FMN2: variants seen among roughly 807,000 people sequenced by gnomAD.
FMN2 encodes the protein formin-2.
Under a neutral mutation model 142.3 loss-of-function variants are expected in FMN2, and 51 were observed. That is an observed-to-expected ratio of 0.36 (90% CI 0.29 to 0.45). FMN2 has a LOEUF of 0.45. Ranked by LOEUF, FMN2 falls within the 20% of genes least tolerant of loss-of-function variation. The probability of loss-of-function intolerance (pLI) is 1.00; values close to 1 mark genes in which losing one functional copy is unlikely to be tolerated. For synonymous variants in FMN2, 882 were observed against 869.8 expected (o/e 1.01, Z -0.25); for missense variants, 1,936 against 2,122.8 (o/e 0.91, Z 1.73).
At chr1:240,211,793 A>G (rs1258976338) in intron 6 of FMN2, among the ~76,000 whole-genome samples, 2 of 152,224 alleles carry the variant, frequency 1.3e-5, no homozygotes, top group Non-Finnish European at 2.9e-5. Flanking sequence ...TTTTTGAGTC[A>G]TAAAAAGAAA....
intron 4 of FMN2, among the ~76,000 whole-genome samples, chr1:240,195,726 C>T (rs1174427743): frequency 6.6e-6 from 1 of 152,134 alleles, no homozygotes; most frequent in Non-Finnish European, 1.5e-5. Flanking sequence ...TTTTTAAATT[C>T]TCACAATAAG....
intron 16 of FMN2, among the ~76,000 whole-genome samples, chr1:240,440,332 A>C (rs747701166): frequency 2.0e-5 from 3 of 152,184 alleles, no homozygotes; most frequent in African/African-American, 7.2e-5. Flanking sequence ...GCCCCATGAC[A>C]GCCTCCTCAG....
chr1:240,173,232 G>A lies in FMN2; in HGVS notation c.1783-4689G>A, dbSNP rs190680408. ...ATTACAGGTGTGAGCCACCACGCCC[G>A]GCCTCAAGTGGCTTTTATGTAGTCA... On this transcript the variant is annotated intron_variant, in intron 2 of 17. Transcript: ENST00000319653. Among the ~76,000 whole-genome samples the A allele has an allele frequency of 3.8e-4, 58 of 152,264 alleles. 1 individual carries two copies. The East Asian group carries it at 0.011, about 28-fold the overall frequency.
chr1:240,283,007 G>C (rs1268716291), intron 7 of FMN2, among the ~76,000 whole-genome samples: 1 of 152,064 alleles, frequency 6.6e-6, no homozygotes, highest in Non-Finnish European at 1.5e-5. Flanking sequence ...AAACAATGCT[G>C]GGTGTGACTC....
chr1:240,415,105 T>C (rs1044447533), intron 15 of FMN2, among the ~76,000 whole-genome samples: 1 of 152,104 alleles, frequency 6.6e-6, no homozygotes, highest in Non-Finnish European at 1.5e-5. Context: ...TTTTTAAAAA[T>C]ATGTTGAATA....
intron 14 of FMN2, among the ~76,000 whole-genome samples, chr1:240,359,922 C>A (rs769415613): frequency 1.2e-4 from 19 of 152,170 alleles, no homozygotes; most frequent in Non-Finnish European, 2.8e-4. Flanking sequence ...TACCCCTGTA[C>A]CTAGAACAAT....
chr1:240,151,253 A>G lies in FMN2; in HGVS notation c.1783-26668A>G, dbSNP rs368192172. The stretch of plus-strand genomic sequence containing the variant: ...GCCATAATGGCTATATAGTCTACTA[A>G]TGGGTGAGTCAGTGCCCATTCTAAG... On this transcript the variant is annotated intron_variant, in intron 2 of 17. Transcript: ENST00000319653. Among the ~76,000 whole-genome samples, 178 of 152,324 alleles carry G rather than the reference A, an allele frequency of 1.2e-3. 4 individuals carry two copies. In the South Asian group the frequency reaches 0.028, roughly 24 times the overall value.
chr1:240,307,038 TATC>T (rs1259382974), intron 8 of FMN2, among the ~76,000 whole-genome samples: 8 of 152,224 alleles, frequency 5.3e-5, no homozygotes, highest in Non-Finnish European at 1.0e-4. Flanking sequence ...AGCTGCTTGT[TATC>T]ATCTTTTGAG....
intron 1 of FMN2, among the ~76,000 whole-genome samples, chr1:240,109,339 G>C (rs1164779628): frequency 6.6e-6 from 1 of 152,178 alleles, no homozygotes; most frequent in African/African-American, 2.4e-5. Context: ...GATTGTCACT[G>C]AGTCACTTGA....
intron 1 of FMN2, 78 bp from the exon 2 acceptor site, chr1:240,123,101 C>A: frequency 6.5e-7 from 1 of 1,529,146 alleles, no homozygotes; most frequent in Non-Finnish European, 8.9e-7. Flanking sequence ...GCAGTGTTTA[C>A]CCAGCCGCTG....
In FMN2 at chr1:240,224,686, G is replaced by A. The variant is rs191965200; in HGVS notation, c.4065+13451G>A. On this transcript the variant is annotated intron_variant, in intron 6 of 17. Transcript: ENST00000319653. Reference sequence around the variant, plus strand: ...AAACACCAGGGGTTCAGTCTAGTTCGTGCTGCTCGCCGCACAGAAAGCCAA... The same window carrying A: ...AAACACCAGGGGTTCAGTCTAGTTCATGCTGCTCGCCGCACAGAAAGCCAA... Among the ~76,000 whole-genome samples the A allele has an allele frequency of 2.7e-3, 415 of 152,196 alleles. 3 individuals carry two copies. The South Asian group carries it at 0.027, about 10-fold the overall frequency.
intron 7 of FMN2, among the ~76,000 whole-genome samples, chr1:240,290,949 G>C (rs527458713): frequency 1.3e-5 from 2 of 151,970 alleles, no homozygotes; most frequent in East Asian, 3.9e-4. Flanking sequence ...GAGTAGCTGG[G>C]ATTACAGGCA....
chr1:240,456,606 G>A (rs774812878), intron 16 of FMN2, among the ~76,000 whole-genome samples: 6 of 152,112 alleles, frequency 3.9e-5, no homozygotes, highest in East Asian at 3.9e-4. Flanking sequence ...ACAGGCATGC[G>A]CCACCATGCC....
intron 8 of FMN2, among the ~76,000 whole-genome samples, chr1:240,309,362 G>A (rs1272700865): frequency 1.3e-5 from 2 of 152,136 alleles, no homozygotes; most frequent in Admixed American, 6.5e-5. Context: ...TAGTGGGCAG[G>A]CATGCAGGAG....
At chr1:240,463,218 CG>C (rs1213185195) in intron 16 of FMN2, among the ~76,000 whole-genome samples, 6 of 152,096 alleles carry the variant, frequency 3.9e-5, no homozygotes, top group Non-Finnish European at 8.8e-5. Flanking sequence ...GTTCAGGGGA[CG>C]TGAGAAGGCT....
At chr1:240,325,035 G>T (rs1205872659) in intron 8 of FMN2, among the ~76,000 whole-genome samples, 1 of 152,016 alleles carries the variant, frequency 6.6e-6, no homozygotes, top group Admixed American at 6.5e-5. Context: ...GTCAATCATC[G>T]CTGTGGTTGT....
chr1:240,092,667 C>G lies in FMN2; in HGVS notation c.558C>G (p.Phe186Leu), dbSNP rs1176572017. 7 of 1,614,110 alleles carry G rather than the reference C, an allele frequency of 4.3e-6. No homozygotes were observed. The highest frequency in any genetic ancestry group is 1.7e-5 in the Admixed American group (1 of 60,028). ...GCTCGGACACGGACATCTATAGCTTCCATTCGGCTACGGAGCAAGAGGATT... is the reference window on the plus strand; with the variant it reads ...GCTCGGACACGGACATCTATAGCTTGCATTCGGCTACGGAGCAAGAGGATT... Reference protein sequence around the residue: ...SSGSDTDIYSFHSATEQEDLL... With the variant: ...SSGSDTDIYSLHSATEQEDLL... The change falls in exon 1 of 18, where the codon TTC becomes TTG. Residue 186 changes from phenylalanine (F) to leucine (L), a missense_variant. This residue lies in a region of FMN2 where 751 missense variants were observed against 791.8 expected (regional missense o/e 0.95). Coordinates refer to ENST00000319653, the MANE Select transcript of FMN2 (RefSeq NM_020066.5).
chr1:240,182,682 A>G (rs1665200083), intron 3 of FMN2, among the ~76,000 whole-genome samples: 3 of 152,214 alleles, frequency 2.0e-5, no homozygotes, highest in African/African-American at 7.2e-5. Context: ...AGCTGAGATA[A>G]GACAGCCAAG....
At chr1:240,212,135 T>C (rs1666714092) in intron 6 of FMN2, among the ~76,000 whole-genome samples, 1 of 152,142 alleles carries the variant, frequency 6.6e-6, no homozygotes, top group Non-Finnish European at 1.5e-5. Context: ...AGTAGCCCCA[T>C]AGGAGTTCCA....
Sources: gnomAD v4.1 joint callset for allele counts (sites outside exome capture counted in the v4.1 genomes callset) on GRCh38, gnomAD v4.1.1 for gene constraint, gnomAD v4.1.1 regional missense constraint, MANE v1.5 for transcripts, NCBI Gene and HGNC (gene_info 2026-07-23, HGNC 2026-07-21) for gene names.